ESRRB: variants seen among roughly 807,000 people sequenced by gnomAD.
ESRRB encodes the protein estrogen related receptor beta.
ESRRB carries 16 observed loss-of-function variants against 46.0 expected under a neutral mutation model. The observed-to-expected ratio is 0.35, with a 90% CI of 0.24 to 0.53. ESRRB has a LOEUF of 0.53. ESRRB is among the 20% of genes least tolerant of loss of function. The pLI is 0.93. For missense variants in ESRRB, 488 were observed against 607.4 expected (o/e 0.80, Z 2.07); for synonymous variants, 246 against 259.6 (o/e 0.95, Z 0.50).
chr14:76,458,469 C>T (rs1454792681), intron 2 of ESRRB, among the ~76,000 whole-genome samples: 5 of 79,602 alleles, frequency 6.3e-5, no homozygotes, highest in Non-Finnish European at 1.4e-4. Context: ...CACACACACA[C>T]AAACACACAC....
At chr14:76,394,937 G>C (rs1885612537) in intron 1 of ESRRB, among the ~76,000 whole-genome samples, 1 of 152,198 alleles carries the variant, frequency 6.6e-6, no homozygotes, top group Non-Finnish European at 1.5e-5. Context: ...AATTTTGATA[G>C]AGGGAAAACT....
intron 1 of ESRRB, among the ~76,000 whole-genome samples, chr14:76,358,280 C>G (rs1284604275): frequency 4.1e-5 from 6 of 145,482 alleles, no homozygotes; most frequent in African/African-American, 1.5e-4. Flanking sequence ...CCACTGCACT[C>G]CAGCCTGGGA....
chr14:76,420,500 A>T (rs1007961335), intron 1 of ESRRB, among the ~76,000 whole-genome samples: 2 of 151,874 alleles, frequency 1.3e-5, no homozygotes, highest in African/African-American at 4.8e-5. Flanking sequence ...TTAATGGGAG[A>T]GTTGGGAGGC....
At chr14:76,488,868 A>G (rs1158683762) in intron 5 of ESRRB, among the ~76,000 whole-genome samples, 2 of 152,000 alleles carry the variant, frequency 1.3e-5, no homozygotes, top group Non-Finnish European at 2.9e-5. Flanking sequence ...CTCTTCTTAT[A>G]TTGCAACTTT....
At chr14:76,377,211 G>C (rs1365682735) in intron 1 of ESRRB, among the ~76,000 whole-genome samples, 2 of 152,240 alleles carry the variant, frequency 1.3e-5, no homozygotes, top group African/African-American at 4.8e-5. Context: ...CCGGCGCCGC[G>C]AGAAGCGACT....
Position 76,482,592 on chromosome 14 carries a change from T to C in ESRRB, c.689-6T>C, listed in dbSNP as rs1308819411. ...GCATTTACCTTTCCCTCTTTGGTTG[T>C]TGCAGTGACCAAGATTGTCTCATAC... On this transcript the variant is annotated splice_region_variant and splice_polypyrimidine_tract_variant and intron_variant, in intron 4 of 6. Coordinates refer to ENST00000644823, the MANE Select transcript of ESRRB (RefSeq NM_001379180.1). The surrounding 1 kb of genome is among the most constrained non-coding windows in gnomAD (Gnocchi z 4.3). The C allele has an allele frequency of 5.6e-6, 9 of 1,614,066 alleles. No individual in the cohort carries two copies. Among genetic ancestry groups the C allele is most frequent in the African/African-American group, 1.3e-5 (1 of 74,928 alleles).
chr14:76,449,514 C>A (rs1888291017), intron 2 of ESRRB, among the ~76,000 whole-genome samples: 2 of 151,602 alleles, frequency 1.3e-5, no homozygotes, highest in African/African-American at 4.8e-5. Flanking sequence ...TCACACACTG[C>A]ACTCCAGCCT....
At chr14:76,440,637 CT>C (rs1409408542) in intron 2 of ESRRB, among the ~76,000 whole-genome samples, 1 of 151,728 alleles carries the variant, frequency 6.6e-6, no homozygotes, top group Non-Finnish European at 1.5e-5. Flanking sequence ...TTTGACCTAT[CT>C]TTTAAGACCT....
chr14:76,462,079 C>T (rs547201841), intron 2 of ESRRB, among the ~76,000 whole-genome samples: 4 of 152,294 alleles, frequency 2.6e-5, no homozygotes, highest in East Asian at 1.9e-4. Context: ...ATGCAGAACC[C>T]GGGCCTTGAT....
upstream of ESRRB, among the ~76,000 whole-genome samples, chr14:76,374,309 T>C (rs1039107496): frequency 6.6e-6 from 1 of 152,078 alleles, no homozygotes; most frequent in Non-Finnish European, 1.5e-5. Context: ...CACAGACAAT[T>C]GCAAACTGTG....
intron 2 of ESRRB, among the ~76,000 whole-genome samples, chr14:76,445,664 G>C (rs534683872): frequency 6.6e-6 from 1 of 150,504 alleles, no homozygotes; most frequent in South Asian, 2.1e-4. Flanking sequence ...CTAAGACCGA[G>C]TCATTCCTTC....
At chr14:76,421,811 T>C (rs553008760) in intron 1 of ESRRB, among the ~76,000 whole-genome samples, 1 of 152,278 alleles carries the variant, frequency 6.6e-6, no homozygotes, top group East Asian at 1.9e-4. Context: ...TGAGAACTGC[T>C]GTCTTCCACA....
intron 1 of ESRRB, among the ~76,000 whole-genome samples, chr14:76,339,955 C>T (rs1009366167): frequency 5.3e-5 from 8 of 152,084 alleles, no homozygotes; most frequent in South Asian, 2.1e-4. Context: ...CACATCCATC[C>T]GGGTGGGATT....
chr14:76,381,146 G>A (rs995184413), intron 1 of ESRRB, among the ~76,000 whole-genome samples: 6 of 152,252 alleles, frequency 3.9e-5, no homozygotes, highest in African/African-American at 1.4e-4. Flanking sequence ...CCCTGGCATG[G>A]GTGGGGTGGG....
chr14:76,498,781 C>T lies in ESRRB; in HGVS notation c.*323C>T, dbSNP rs751319088. On this transcript the variant is annotated 3_prime_UTR_variant, in exon 7 of 7. Transcript: ENST00000644823. ...TGGAGGCCACTGGAGCAAGTGCCCT[C>T]TCCCCTCCACCGAGCCACCAAGAGG... The T allele has an allele frequency of 4.6e-6, 3 of 657,148 alleles. No individual in the cohort carries two copies. The East Asian group carries it at 1.2e-4, about 27-fold the overall frequency. The allele number at this position is 657,148 out of a possible 1,614,324, so 40.7% of individuals were successfully genotyped here. A position where few individuals can be genotyped will look rare whatever the true frequency, so the allele number is the denominator to read the frequency against.
chr14:76,441,007 C>T (rs1051968852), intron 2 of ESRRB, among the ~76,000 whole-genome samples: 3 of 152,102 alleles, frequency 2.0e-5, no homozygotes, highest in African/African-American at 7.2e-5. Flanking sequence ...AAGATTGGGC[C>T]GCTGCACTCA....
chr14:76,373,191 T>TTGAGCCCA, upstream of ESRRB, among the ~76,000 whole-genome samples: 1 of 152,192 alleles, frequency 6.6e-6, no homozygotes, highest in Non-Finnish European at 1.5e-5. Context: ...GTACTAGTAC[T>TTGAGCCCA]GGGGTGGAGG....
upstream of ESRRB, among the ~76,000 whole-genome samples, chr14:76,375,903 T>G (rs1369618942): frequency 5.8e-5 from 1 of 17,188 alleles, no homozygotes; most frequent in Admixed American, 6.1e-4. Context: ...CCCACCCCCC[T>G]TTAACTGCGA....
Position 76,462,525 on chromosome 14 carries a change from C to T in ESRRB, c.461-20C>T, listed in dbSNP as rs1888911999. Reference sequence around the variant, plus strand: ...CCTGGGCGGCCAGCACCCGGCAACCCTCTCTGTGTCTGGTTGCAGGGAACA... The same window carrying T: ...CCTGGGCGGCCAGCACCCGGCAACCTTCTCTGTGTCTGGTTGCAGGGAACA... On this transcript the variant is annotated intron_variant, in intron 2 of 6. Coordinates refer to ENST00000644823, the MANE Select transcript of ESRRB (RefSeq NM_001379180.1). 6.2e-7 allele frequency: 1 copy of T among 1,600,800 alleles called. No homozygotes were observed. Among genetic ancestry groups the T allele is most frequent in the East Asian group, 2.2e-5 (1 of 44,802 alleles).
Sources: gnomAD v4.1 joint callset for allele counts (sites outside exome capture counted in the v4.1 genomes callset) on GRCh38, gnomAD v4.1.1 for gene constraint, Gnocchi (gnomAD v3.1) non-coding constraint, MANE v1.5 for transcripts, NCBI Gene and HGNC (gene_info 2026-07-23, HGNC 2026-07-21) for gene names.